The following SLIT1 variants were observed in gnomAD, a reference collection of about 807,000 sequenced individuals.
SLIT1 encodes slit homolog 1 protein.
SLIT1 carries 66 observed loss-of-function variants against 186.1 expected under a neutral mutation model. That is an observed-to-expected ratio of 0.35 (90% CI 0.29 to 0.44). The LOEUF (loss-of-function observed/expected upper bound fraction) is 0.44. Among genes scored for constraint, SLIT1 ranks in the 20% least tolerant of loss-of-function variants. SLIT1 has a pLI of 1.00. For missense variants in SLIT1, 1,638 were observed against 2,037.4 expected (o/e 0.80, Z 3.77); for synonymous variants, 761 against 833.8 (o/e 0.91, Z 1.50).
At chr10:97,112,060 C>T (rs1194918558) in intron 4 of SLIT1, among the ~76,000 whole-genome samples, 1 of 152,206 alleles carries the variant, frequency 6.6e-6, no homozygotes, top group African/African-American at 2.4e-5. Flanking sequence ...GCTCCATTTG[C>T]GGGTTCTCAA....
chr10:97,142,540 G>T (rs11189011), intron 4 of SLIT1, among the ~76,000 whole-genome samples: 52,320 of 152,022 alleles, frequency 0.34, 9,889 homozygotes, highest in African/African-American at 0.51. Flanking sequence ...TAAGGGGAAA[G>T]CTTCATGACA....
At chr10:97,007,149 A>T (rs1027813200) in intron 31 of SLIT1, among the ~76,000 whole-genome samples, 1 of 152,256 alleles carries the variant, frequency 6.6e-6, no homozygotes, top group African/African-American at 2.4e-5. Context: ...ACCTCATAGA[A>T]ATACAGTGAA....
chr10:97,110,566 C>A (rs1041695799), intron 4 of SLIT1, among the ~76,000 whole-genome samples: 2 of 152,192 alleles, frequency 1.3e-5, no homozygotes, highest in Admixed American at 6.5e-5. Flanking sequence ...CAGCCTCTTA[C>A]AAAGGAATAT....
chr10:97,144,012 A>G lies in SLIT1; in HGVS notation c.413+13806T>C, dbSNP rs545241348. ...CAGGAGTTCAAGACCAGCCTGGCCA[A>G]CATGGCGAAACCCCGTCTCTACTAA... On this transcript the variant is annotated intron_variant, in intron 4 of 36. Transcript: ENST00000266058. 1.4e-4 allele frequency among the ~76,000 whole-genome samples: 22 copies of G among 152,304 alleles called. No individual in the cohort carries two copies. The East Asian group carries it at 4.1e-3, about 28-fold the overall frequency.
At chr10:97,183,402 A>G (rs1850368244) in intron 1 of SLIT1, among the ~76,000 whole-genome samples, 1 of 152,234 alleles carries the variant, frequency 6.6e-6, no homozygotes, top group Non-Finnish European at 1.5e-5. Flanking sequence ...AGCGAGCATC[A>G]GAAGGTACCA....
chr10:97,110,710 T>C (rs1589397761), intron 4 of SLIT1, among the ~76,000 whole-genome samples: 2 of 152,182 alleles, frequency 1.3e-5, no homozygotes, highest in East Asian at 3.8e-4. Flanking sequence ...GTAGAGAGGT[T>C]CCCTCTGGAG....
Position 96,998,182 on chromosome 10 carries a change from A to G in SLIT1, c.*2930T>C, listed in dbSNP as rs1267109049. 1 of 152,280 alleles carries G rather than the reference A, an allele frequency of 6.6e-6. No homozygotes were observed. Among genetic ancestry groups the G allele is most frequent in the African/African-American group, 2.4e-5 (1 of 41,466 alleles). 9.4% of individuals were successfully genotyped at this position (152,280 alleles called of 1,614,324 possible). ...GAGTTGATCCAAACAAGACGACTAC[A>G]GAAACCCCCAACAAAACGTGCCACG... On this transcript the variant is annotated 3_prime_UTR_variant, in exon 37 of 37. Coordinates refer to ENST00000266058, the MANE Select transcript of SLIT1 (RefSeq NM_003061.3).
chr10:97,169,111 G>A (rs952788600), intron 1 of SLIT1, among the ~76,000 whole-genome samples: 17 of 152,070 alleles, frequency 1.1e-4, no homozygotes, highest in African/African-American at 4.1e-4. Flanking sequence ...AAGACAAGCA[G>A]GGAGAAAAAG....
In SLIT1 at chr10:97,040,055, C is replaced by T. The variant is rs547881192; in HGVS notation, c.2230G>A (p.Val744Met). 11 of 1,612,428 alleles carry T rather than the reference C, an allele frequency of 6.8e-6. No homozygotes were observed. The highest frequency in any genetic ancestry group is 1.7e-4 in the Middle Eastern group (1 of 6,056). ...AGGTGCTTGTTGCTGCATCGGACCA[C>T]GGTGTCCAGGCAGGCGCACTCCTGT... ...CPQECACLDT[V>M]VRCSNKHLRA... The change falls in exon 21 of 37, where the codon GTG becomes ATG. Residue 744 changes from valine to methionine, a missense_variant. Transcript: ENST00000266058.
At position 97,092,343 on chromosome 10, in the gene SLIT1, G is replaced by A. The variant is rs111594372; in HGVS notation, c.414-26257C>T. Among the ~76,000 whole-genome samples the A allele has an allele frequency of 3.0e-3, 463 of 152,350 alleles. 3 individuals carry two copies. The highest frequency in any genetic ancestry group is 0.011 in the African/African-American group (446 of 41,582). ...GAAGCAAATGAATTAACTGGGAAGA[G>A]ACATGCACTCATCTCCAAGCACTTG... On this transcript the variant is annotated intron_variant, in intron 4 of 36. Transcript: ENST00000266058.
intron 13 of SLIT1, among the ~76,000 whole-genome samples, chr10:97,055,388 G>C (rs910598163): frequency 2.0e-5 from 3 of 151,904 alleles, no homozygotes; most frequent in African/African-American, 7.3e-5. Flanking sequence ...TTTGAAACAG[G>C]GTCTCTCCGT....
At chr10:97,065,978 GC>G in intron 5 of SLIT1, 36 bp downstream of exon 5, 1 of 1,480,058 alleles carries the variant, frequency 6.8e-7, no homozygotes, top group Non-Finnish European at 9.3e-7. Flanking sequence ...TGGCCCTGGA[GC>G]CCCCACACCC....
intron 4 of SLIT1, among the ~76,000 whole-genome samples, chr10:97,098,879 C>A (rs1849319464): frequency 6.6e-6 from 1 of 152,180 alleles, no homozygotes; most frequent in Non-Finnish European, 1.5e-5. Context: ...GCAGGAGTAT[C>A]ACGTGGCTGT....
At chr10:97,173,259 G>A (rs1266440669) in intron 1 of SLIT1, among the ~76,000 whole-genome samples, 9 of 152,214 alleles carry the variant, frequency 5.9e-5, no homozygotes, top group Admixed American at 2.6e-4. Context: ...CCGGTGGAAC[G>A]GGGCAGGTCC....
intron 25 of SLIT1, among the ~76,000 whole-genome samples, chr10:97,025,395 T>C (rs949066278): frequency 6.6e-5 from 10 of 152,254 alleles, no homozygotes; most frequent in Admixed American, 2.6e-4. Flanking sequence ...CACTTGCTTT[T>C]CCTTGTTTCT....
intron 4 of SLIT1, among the ~76,000 whole-genome samples, chr10:97,139,727 C>T (rs555557100): frequency 7.2e-5 from 11 of 152,156 alleles, no homozygotes; most frequent in African/African-American, 1.9e-4. Flanking sequence ...CTAGAAATGG[C>T]GTGCAGAGTT....
At chr10:97,146,563 C>CCA (rs1478746031) in intron 4 of SLIT1, among the ~76,000 whole-genome samples, 1 of 151,884 alleles carries the variant, frequency 6.6e-6, no homozygotes, top group Non-Finnish European at 1.5e-5. Flanking sequence ...ACCCCAGCCC[C>CCA]CCCCACTGAA....
intron 4 of SLIT1, chr10:97,155,032 A>C (rs1265293418): frequency 6.6e-6 from 1 of 152,202 alleles, no homozygotes; most frequent in Non-Finnish European, 1.5e-5. Context: ...TGTGTCAGAC[A>C]AGATATCAAG....
Position 97,161,092 on chromosome 10 carries a change from C to G in SLIT1, c.341+2288G>C, listed in dbSNP as rs1488403783. On this transcript the variant is annotated intron_variant, in intron 3 of 36. Coordinates refer to ENST00000266058, the MANE Select transcript of SLIT1 (RefSeq NM_003061.3). ...TACGATCAACTGATGCGCCACTGGTCTCCAACAACTCAGGCGGCGACCATT... is the reference window on the plus strand; with the variant it reads ...TACGATCAACTGATGCGCCACTGGTGTCCAACAACTCAGGCGGCGACCATT... 2.0e-5 allele frequency among the ~76,000 whole-genome samples: 3 copies of G among 152,142 alleles called. No homozygotes were observed. The East Asian group carries it at 5.8e-4, about 29-fold the overall frequency.
Sources: gnomAD v4.1 joint callset for allele counts (sites outside exome capture counted in the v4.1 genomes callset) on GRCh38, gnomAD v4.1.1 for gene constraint, MANE v1.5 for transcripts, NCBI Gene and HGNC (gene_info 2026-07-23, HGNC 2026-07-21) for gene names.